The following ARHGEF28 variants were observed in gnomAD, a reference collection of about 807,000 sequenced individuals.
ARHGEF28 encodes the protein Rho guanine nucleotide exchange factor 28.
ARHGEF28 carries 152 observed loss-of-function variants against 206.6 expected under a neutral mutation model. The observed-to-expected ratio is 0.74, with a 90% CI of 0.64 to 0.84. The LOEUF is 0.84. Ranked by LOEUF, ARHGEF28 falls within the 40% of genes least tolerant of loss-of-function variation. The probability of loss-of-function intolerance (pLI) is 0.00; values close to 1 mark genes in which losing one functional copy is unlikely to be tolerated. For missense variants in ARHGEF28, 2,028 were observed against 2,073.2 expected (o/e 0.98, Z 0.42); for synonymous variants, 763 against 776.4 (o/e 0.98, Z 0.29).
chr5:73,715,882 G>A (rs548328999), intron 2 of ARHGEF28, among the ~76,000 whole-genome samples: 1 of 152,280 alleles, frequency 6.6e-6, no homozygotes, highest in Non-Finnish European at 1.5e-5. Flanking sequence ...TGCAAAGAAG[G>A]CTTGCCTACA....
intron 2 of ARHGEF28, among the ~76,000 whole-genome samples, chr5:73,710,882 T>G (rs1414503528): frequency 1.3e-5 from 2 of 152,116 alleles, no homozygotes; most frequent in Admixed American, 1.3e-4. Context: ...TTTTGTAGTT[T>G]TAGTAGAGAC....
At chr5:73,732,281 C>A (rs1262791450) in intron 2 of ARHGEF28, among the ~76,000 whole-genome samples, 1 of 152,060 alleles carries the variant, frequency 6.6e-6, no homozygotes, top group African/African-American at 2.4e-5. Flanking sequence ...CATTGTTTTG[C>A]CCTTTCCAGA....
At chr5:73,937,129 G>A (rs1402980244) in intron 35 of ARHGEF28, among the ~76,000 whole-genome samples, 1 of 152,180 alleles carries the variant, frequency 6.6e-6, no homozygotes, top group South Asian at 2.1e-4. Flanking sequence ...AACTTTCTCT[G>A]GATATCAGTG....
intron 30 of ARHGEF28, chr5:73,900,397 G>A (rs1267762393): frequency 6.6e-6 from 1 of 152,228 alleles, no homozygotes; most frequent in Non-Finnish European, 1.5e-5. Context: ...GGTGGGCACA[G>A]TTTAAGTTTT....
intron 9 of ARHGEF28, among the ~76,000 whole-genome samples, chr5:73,803,038 G>A (rs1400223065): frequency 2.0e-5 from 3 of 151,948 alleles, no homozygotes; most frequent in African/African-American, 7.3e-5. Flanking sequence ...CAATTTATTG[G>A]TACAATTTAC....
intron 3 of ARHGEF28, among the ~76,000 whole-genome samples, chr5:73,751,728 T>C (rs926068497): frequency 2.0e-5 from 3 of 152,192 alleles, no homozygotes; most frequent in Non-Finnish European, 2.9e-5. Flanking sequence ...AGGTTTCTTA[T>C]CTTCATTTTA....
At chr5:73,702,546 A>C (rs1348515753) in intron 2 of ARHGEF28, among the ~76,000 whole-genome samples, 1 of 152,178 alleles carries the variant, frequency 6.6e-6, no homozygotes, top group Non-Finnish European at 1.5e-5. Context: ...TCAATTTTTT[A>C]GGTATATACC....
intron 4 of ARHGEF28, among the ~76,000 whole-genome samples, chr5:73,753,749 C>T (rs1449755366): frequency 6.6e-6 from 1 of 152,188 alleles, no homozygotes; most frequent in Non-Finnish European, 1.5e-5. Flanking sequence ...TTGGAATCTG[C>T]GTGTGAACAA....
chr5:73,687,576 C>G (rs936761364), intron 2 of ARHGEF28, among the ~76,000 whole-genome samples: 2 of 152,030 alleles, frequency 1.3e-5, no homozygotes, highest in African/African-American at 4.8e-5. Flanking sequence ...GTCGTGCAGA[C>G]AGAGCAGACT....
chr5:73,852,634 G>T lies in ARHGEF28; in HGVS notation c.1748-16G>T. 6.2e-7 allele frequency: 1 copy of T among 1,612,854 alleles called. No individual in the cohort carries two copies. Among genetic ancestry groups the T allele is most frequent in the Non-Finnish European group, 8.5e-7 (1 of 1,179,212 alleles). On this transcript the variant is annotated splice_polypyrimidine_tract_variant and intron_variant, in intron 13 of 35. Transcript: ENST00000513042. The stretch of plus-strand genomic sequence containing the variant: ...TGTGTGCCTTAGTTTTCATTTTATT[G>T]TTCTGTGTCTTGTAGAGCAAAGAGC...
At chr5:73,837,225 T>TTAAATAGAATCTG (rs1356307969) in intron 10 of ARHGEF28, among the ~76,000 whole-genome samples, 1 of 152,038 alleles carries the variant, frequency 6.6e-6, no homozygotes, top group Admixed American at 6.5e-5. Context: ...TTGATAGAGA[T>TTAAATAGAATCTG]TAAATAGAAT....
chr5:73,765,921 G>T (rs1350244090), intron 4 of ARHGEF28, among the ~76,000 whole-genome samples: 2 of 152,324 alleles, frequency 1.3e-5, no homozygotes, highest in East Asian at 3.9e-4. Flanking sequence ...GGGAGGCCGA[G>T]GTGGGCGGAT....
At chr5:73,836,504 T>G (rs1316666542) in intron 10 of ARHGEF28, among the ~76,000 whole-genome samples, 5 of 151,934 alleles carry the variant, frequency 3.3e-5, no homozygotes, top group South Asian at 4.1e-4. Flanking sequence ...TTTGTGGGTT[T>G]GTTTGTTTGT....
At chr5:73,844,919 T>C (rs1386502611) in intron 11 of ARHGEF28, among the ~76,000 whole-genome samples, 1 of 151,924 alleles carries the variant, frequency 6.6e-6, no homozygotes, top group Non-Finnish European at 1.5e-5. Flanking sequence ...TCTTTCCTTT[T>C]AATTTCATGG....
chr5:73,912,508 G>A (rs1048155064), intron 35 of ARHGEF28, among the ~76,000 whole-genome samples: 2 of 152,192 alleles, frequency 1.3e-5, no homozygotes, highest in African/African-American at 4.8e-5. Context: ...CCCAATTCAA[G>A]AGTAATAATT....
intron 2 of ARHGEF28, among the ~76,000 whole-genome samples, chr5:73,738,098 C>G (rs1367400144): frequency 6.6e-6 from 1 of 152,134 alleles, no homozygotes; most frequent in Non-Finnish European, 1.5e-5. Context: ...TGCTGAGGAA[C>G]TTTAGGGGGA....
At position 73,877,012 on chromosome 5, in the gene ARHGEF28, G is replaced by A. The variant is rs1430662852; in HGVS notation, c.2814+3766G>A. ...GAAGGAATGGTACCAGTTCCTCCTT[G>A]TACCTCTGGTAGAATTTGGCTGTGA... On this transcript the variant is annotated intron_variant, in intron 22 of 35. Transcript: ENST00000513042. 3.5e-5 allele frequency among the ~76,000 whole-genome samples: 5 copies of A among 142,328 alleles called. No individual in the cohort carries two copies. In the East Asian group the frequency reaches 6.1e-4, roughly 17 times the overall value. 93.4% of individuals were successfully genotyped at this position (142,328 alleles called of 152,430 possible).
At chr5:73,867,202 A>T (rs1759761109) in intron 18 of ARHGEF28, among the ~76,000 whole-genome samples, 1 of 152,210 alleles carries the variant, frequency 6.6e-6, no homozygotes, top group South Asian at 2.1e-4. Flanking sequence ...AATGTCTGGG[A>T]TCTTCCTTTT....
At chr5:73,921,028 C>T (rs754165659) in intron 35 of ARHGEF28, among the ~76,000 whole-genome samples, 2 of 152,138 alleles carry the variant, frequency 1.3e-5, no homozygotes, top group African/African-American at 4.8e-5. Context: ...ATCAATGAAA[C>T]ACTTTCTTAA....
Sources: allele counts gnomAD v4.1 joint callset (sites outside exome capture counted in the v4.1 genomes callset), GRCh38; gene constraint gnomAD v4.1.1; transcripts MANE v1.5; gene names NCBI Gene and HGNC (gene_info 2026-07-23, HGNC 2026-07-21).